Variants in ARHGAP25 observed in about 807,000 individuals in gnomAD.
The protein encoded by ARHGAP25 is Rho GTPase activating protein 25.
ARHGAP25 carries 34 observed loss-of-function variants against 71.0 expected under a neutral mutation model. The ratio of observed to expected loss-of-function variants is 0.48; its 90% confidence interval spans 0.36 to 0.64. ARHGAP25 has a LOEUF of 0.64. Among genes scored for constraint, ARHGAP25 ranks in the 30% least tolerant of loss-of-function variants. The pLI, the probability that ARHGAP25 is intolerant of heterozygous loss-of-function variation, is 0.00. For synonymous variants in ARHGAP25, 282 were observed against 296.5 expected (o/e 0.95, Z 0.50); for missense variants, 706 against 805.1 (o/e 0.88, Z 1.49).
chr2:68,822,171 C>G (rs1223513980), intron 9 of ARHGAP25, among the ~76,000 whole-genome samples, 169 bp from the exon 10 acceptor site: 1 of 152,028 alleles, frequency 6.6e-6, no homozygotes, highest in Non-Finnish European at 1.5e-5. Context: ...ACTGCAATAT[C>G]CTTTTGGAAA....
At chr2:68,726,117 G>T (rs113575365) in intron 2 of ARHGAP25, among the ~76,000 whole-genome samples, 1 of 151,154 alleles carries the variant, frequency 6.6e-6, no homozygotes. Flanking sequence ...TTATTTTCTT[G>T]TCTCTTTCCT....
intron 2 of ARHGAP25, among the ~76,000 whole-genome samples, chr2:68,715,369 C>G (rs1573370945): frequency 6.6e-6 from 1 of 152,148 alleles, no homozygotes; most frequent in Admixed American, 6.5e-5. Flanking sequence ...AAGCCCCGTT[C>G]TAAGACAGCC....
chr2:68,812,034 T>A (rs922445256), intron 5 of ARHGAP25, among the ~76,000 whole-genome samples: 3 of 152,234 alleles, frequency 2.0e-5, no homozygotes, highest in Admixed American at 1.3e-4. Context: ...TCCCTTGTAG[T>A]GTTGCAGAAT....
intron 2 of ARHGAP25, among the ~76,000 whole-genome samples, chr2:68,716,483 A>G (rs1674611151): frequency 6.6e-6 from 1 of 152,162 alleles, no homozygotes; most frequent in South Asian, 2.1e-4. Flanking sequence ...GTGGTGAGTC[A>G]ACTTGATGGG....
chr2:68,729,153 T>A (rs906951624), intron 2 of ARHGAP25, among the ~76,000 whole-genome samples: 1 of 152,218 alleles, frequency 6.6e-6, no homozygotes, highest in East Asian at 1.9e-4. Context: ...TTGTGGAAGA[T>A]GAAAGTGTTC....
intron 4 of ARHGAP25, among the ~76,000 whole-genome samples, chr2:68,802,083 G>A (rs13018928): frequency 0.31 from 47,025 of 151,988 alleles, 8,390 homozygotes; most frequent in East Asian, 0.51. Flanking sequence ...AGCAGCAGTG[G>A]GAATAGGGAG....
Position 68,782,278 on chromosome 2 carries a change from A to T in ARHGAP25, c.307A>T (p.Asn103Tyr), listed in dbSNP as rs779120043. ...ATGTACAATCAAGGAGATCGCCACA[A>T]ACCCAGAAGAAGCTGGGAAGTTTGT... The part of the protein sequence containing the change: ...PGCTIKEIAT[N>Y]PEEAGKFVFE... The change falls in exon 3 of 11, where the codon AAC (asparagine) becomes TAC (tyrosine). Residue 103 changes from asparagine (N) to tyrosine (Y), a missense_variant. By Grantham distance (143) the Asn-to-Tyr change is moderately radical. Transcript: ENST00000409202. 4.3e-6 allele frequency: 7 copies of T among 1,614,010 alleles called. No homozygotes were observed. In the African/African-American group the frequency reaches 9.3e-5, roughly 22 times the overall value.
At chr2:68,778,791 C>T (rs4854514) in intron 2 of ARHGAP25, among the ~76,000 whole-genome samples, 52,303 of 151,998 alleles carry the variant, frequency 0.34, 9,649 homozygotes, top group Middle Eastern at 0.42. Context: ...ACCTAGCGTC[C>T]GGCAAAGGAG....
chr2:68,727,152 C>A (rs527972414), intron 2 of ARHGAP25, among the ~76,000 whole-genome samples: 2 of 152,244 alleles, frequency 1.3e-5, no homozygotes, highest in South Asian at 4.1e-4. Flanking sequence ...TTGCTAAAAG[C>A]GTGGTTACTG....
intron 1 of ARHGAP25, among the ~76,000 whole-genome samples, chr2:68,756,108 T>C (rs751497968): frequency 3.9e-5 from 6 of 152,174 alleles, no homozygotes; most frequent in Non-Finnish European, 8.8e-5. Flanking sequence ...ATTGGCAACT[T>C]CCAGAAGGAG....
At chr2:68,744,216 A>G (rs552646587) in intron 1 of ARHGAP25, among the ~76,000 whole-genome samples, 2 of 151,838 alleles carry the variant, frequency 1.3e-5, no homozygotes, top group Admixed American at 1.3e-4. Context: ...TGGGTCCTAT[A>G]TCTGGCCCGT....
upstream of ARHGAP25, among the ~76,000 whole-genome samples, chr2:68,732,998 T>G (rs917854189): frequency 6.6e-6 from 1 of 152,250 alleles, no homozygotes; most frequent in African/African-American, 2.4e-5. Flanking sequence ...TGGAATCATC[T>G]GCAAATATGT....
In ARHGAP25 at chr2:68,775,516, T is replaced by C. The variant is rs372573557; in HGVS notation, c.261+96T>C. 194 of 1,569,142 alleles carry C rather than the reference T, an allele frequency of 1.2e-4. 2 individuals carry two copies. The highest frequency in any genetic ancestry group is 8.1e-4 in the East Asian group (36 of 44,562). ...CTTAAACTCACAGGGGCCTTCTCAATAGGACCAGACACACCCATTGGAAAG... is the reference window on the plus strand; with the variant it reads ...CTTAAACTCACAGGGGCCTTCTCAACAGGACCAGACACACCCATTGGAAAG... On this transcript the variant is annotated intron_variant, in intron 2 of 10. Coordinates refer to ENST00000409202, the MANE Select transcript of ARHGAP25 (RefSeq NM_001007231.3).
intron 2 of ARHGAP25, among the ~76,000 whole-genome samples, chr2:68,720,316 C>CAAAA (rs11314943): frequency 5.8e-4 from 44 of 75,606 alleles, no homozygotes; most frequent in African/African-American, 1.5e-3. Context: ...ACATTTCAGT[C>CAAAA]AAAAAAAAAA....
At position 68,725,504 on chromosome 2, in the gene ARHGAP25, C is replaced by A. The variant is rs564156758; in HGVS notation, c.-18+14806C>A. 5.3e-5 allele frequency among the ~76,000 whole-genome samples: 8 copies of A among 151,868 alleles called. No individual in the cohort carries two copies. The South Asian group carries it at 1.7e-3, about 32-fold the overall frequency. On this transcript the variant is annotated intron_variant and NMD_transcript_variant, in intron 2 of 7. Coordinates refer to the ARHGAP25 transcript ENST00000463483. ...CCTACCTGGCCAATTTTTTTCTTTT[C>A]TTTTCTTTTAGAGATGGGGCCTCAA... is the stretch of plus-strand genomic sequence containing the variant.
chr2:68,795,564 G>A (rs1373785464), intron 4 of ARHGAP25, among the ~76,000 whole-genome samples: 1 of 152,072 alleles, frequency 6.6e-6, no homozygotes, highest in Non-Finnish European at 1.5e-5. Context: ...CCATGTATTT[G>A]TGTAGTTTTT....
intron 3 of ARHGAP25, among the ~76,000 whole-genome samples, chr2:68,786,373 G>A (rs1310388893): frequency 1.3e-5 from 2 of 152,130 alleles, no homozygotes; most frequent in Non-Finnish European, 2.9e-5. Flanking sequence ...ATCTTTCATG[G>A]GAGGAAGGAC....
chr2:68,733,332 T>C (rs766849270), upstream of ARHGAP25, among the ~76,000 whole-genome samples: 1 of 152,098 alleles, frequency 6.6e-6, no homozygotes, highest in Non-Finnish European at 1.5e-5. Context: ...GATGAGAATA[T>C]ATTTTGTGGA....
chr2:68,722,686 G>A (rs1674791715), intron 2 of ARHGAP25, among the ~76,000 whole-genome samples: 1 of 152,058 alleles, frequency 6.6e-6, no homozygotes, highest in African/African-American at 2.4e-5. Flanking sequence ...GGTCACCCAG[G>A]CAGTGAGCTG....
Sources: gnomAD v4.1 joint callset for allele counts (sites outside exome capture counted in the v4.1 genomes callset) on GRCh38, gnomAD v4.1.1 for gene constraint, MANE v1.5 for transcripts, NCBI Gene and HGNC (gene_info 2026-07-23, HGNC 2026-07-21) for gene names.